The following ENTREP1 variants were observed in gnomAD, a reference collection of about 807,000 sequenced individuals.
The protein encoded by ENTREP1 is endosomal transmembrane epsin interactor 1.
the ENTREP1 span, among the ~76,000 whole-genome samples, chr9:69,338,552 T>C: frequency 4.3e-4 from 66 of 152,360 alleles, no homozygotes; most frequent in Non-Finnish European, 8.5e-4. Context: ...ACATATTTAT[T>C]ATGTAAGCTT....
chr9:69,324,854 C>T, the ENTREP1 span: 1 of 985,132 alleles, frequency 1.0e-6, no homozygotes, highest in Non-Finnish European at 1.2e-6. Flanking sequence ...AGCCCCAGCT[C>T]GGCGGGTGGG....
the ENTREP1 span, among the ~76,000 whole-genome samples, chr9:69,355,850 T>C: frequency 8.8e-3 from 1,340 of 152,326 alleles, 8 homozygotes; most frequent in Non-Finnish European, 0.013. Flanking sequence ...GACCTCCTCA[T>C]GTAACATGGT....
chr9:69,356,377 A>T, the ENTREP1 span, among the ~76,000 whole-genome samples: 1 of 152,154 alleles, frequency 6.6e-6, no homozygotes, highest in Non-Finnish European at 1.5e-5. Context: ...ACCTCGTGAT[A>T]TGAGGAACGC....
the ENTREP1 span, among the ~76,000 whole-genome samples, chr9:69,369,971 A>T: frequency 6.6e-6 from 1 of 151,996 alleles, no homozygotes; most frequent in Non-Finnish European, 1.5e-5. Context: ...TCAATATATG[A>T]GTGAAAATAT....
chr9:69,372,332 A>G, the ENTREP1 span, among the ~76,000 whole-genome samples: 4 of 152,300 alleles, frequency 2.6e-5, no homozygotes, highest in African/African-American at 9.6e-5. Context: ...ATGCATATTG[A>G]ACAGCAACAG....
chr9:69,363,550 C>T, the ENTREP1 span, among the ~76,000 whole-genome samples: 1,492 of 152,228 alleles, frequency 9.8e-3, 17 homozygotes, highest in African/African-American at 0.034. Context: ...AACTGTTAAC[C>T]TTTTCTAAGC....
At chr9:69,336,990 G>C in the ENTREP1 span, among the ~76,000 whole-genome samples, 1 of 129,082 alleles carries the variant, frequency 7.7e-6, no homozygotes, top group East Asian at 2.5e-4. Flanking sequence ...CAGCCACCAA[G>C]CCCGGCTGTT....
the ENTREP1 span, chr9:69,325,417 G>GCCGCTGCCC: frequency 1.2e-5 from 12 of 1,034,248 alleles, no homozygotes; most frequent in Non-Finnish European, 1.4e-5. Context: ...CTCAGGAGCC[G>GCCGCTGCCC]CCGCTGCCCC....
chr9:69,339,621 G>C, the ENTREP1 span, among the ~76,000 whole-genome samples: 73 of 152,142 alleles, frequency 4.8e-4, no homozygotes, highest in African/African-American at 1.6e-3. Context: ...ATGCTTTTTA[G>C]TGGGAGGCCA....
At chr9:69,339,769 C>A in the ENTREP1 span, among the ~76,000 whole-genome samples, 120,195 of 152,086 alleles carry the variant, frequency 0.79, 47,608 homozygotes, top group South Asian at 0.87. Flanking sequence ...ACTTTCACCC[C>A]CTAGCTGGTT....
At chr9:69,380,238 G>A in the ENTREP1 span, 32 of 152,308 alleles carry the variant, frequency 2.1e-4, no homozygotes, top group African/African-American at 7.7e-4. Flanking sequence ...CAAAAGGGCT[G>A]AATTTATTCA....
chr9:69,371,678 T>A, the ENTREP1 span: 1 of 1,026,460 alleles, frequency 9.7e-7, no homozygotes, highest in Non-Finnish European at 1.6e-6. Flanking sequence ...CTGGCGAGAC[T>A]TGCAACATTC....
the ENTREP1 span, chr9:69,325,088 G>A: frequency 1.0e-6 from 1 of 985,290 alleles, no homozygotes; most frequent in Non-Finnish European, 1.2e-6. Context: ...CAGGGCCAGC[G>A]GGAGGCGGAC....
At chr9:69,349,179 C>A in the ENTREP1 span, among the ~76,000 whole-genome samples, 3 of 61,338 alleles carry the variant, frequency 4.9e-5, no homozygotes, top group East Asian at 5.0e-4. Context: ...AGCGAAACTC[C>A]ATCTCAAAAA....
the ENTREP1 span, chr9:69,385,728 G>A: frequency 2.1e-6 from 3 of 1,439,100 alleles, no homozygotes; most frequent in African/African-American, 4.4e-5. Context: ...CCCATTTTGA[G>A]GACTGCAGCT....
chr9:69,373,091 A>G, the ENTREP1 span, among the ~76,000 whole-genome samples: 2 of 152,102 alleles, frequency 1.3e-5, no homozygotes, highest in Admixed American at 6.6e-5. Context: ...CAGAATATAT[A>G]TACCACAAAA....
chr9:69,357,835 T>C, the ENTREP1 span, among the ~76,000 whole-genome samples: 3 of 152,204 alleles, frequency 2.0e-5, no homozygotes, highest in African/African-American at 7.2e-5. Context: ...TGTCTTTAAT[T>C]ATTTTTTTTC....
At chr9:69,344,478 GT>G in the ENTREP1 span, among the ~76,000 whole-genome samples, 331 of 152,264 alleles carry the variant, frequency 2.2e-3, no homozygotes, top group African/African-American at 7.3e-3. Context: ...GAGACTTTTA[GT>G]TTAGTTATCT....
chr9:69,368,237 T>G, the ENTREP1 span, among the ~76,000 whole-genome samples: 6 of 152,174 alleles, frequency 3.9e-5, no homozygotes, highest in Non-Finnish European at 7.4e-5. Flanking sequence ...CTGTGTTGAA[T>G]AGAAGTAGTA....
Sources: allele counts gnomAD v4.1 joint callset (sites outside exome capture counted in the v4.1 genomes callset), GRCh38; gene constraint gnomAD v4.1.1; transcripts MANE v1.5; gene names NCBI Gene and HGNC (gene_info 2026-07-23, HGNC 2026-07-21).